The following TENM2 variants were observed in gnomAD, a reference collection of about 807,000 sequenced individuals.
The protein encoded by TENM2 is teneurin transmembrane protein 2, also known as teneurin-2.
A neutral mutation model predicts 245.2 loss-of-function variants in TENM2; 52 were observed. The observed-to-expected ratio is 0.21, with a 90% CI of 0.17 to 0.27. TENM2 has a LOEUF of 0.27. Among genes scored for constraint, TENM2 ranks in the 10% least tolerant of loss-of-function variants. The pLI is 1.00. For missense variants in TENM2, 3,046 were observed against 3,666.8 expected (o/e 0.83, Z 4.37); for synonymous variants, 1,363 against 1,438.9 (o/e 0.95, Z 1.19).
chr5:168,234,738 TG>T (rs1562316269), intron 25 of TENM2, among the ~76,000 whole-genome samples: 7 of 152,182 alleles, frequency 4.6e-5, no homozygotes, highest in Non-Finnish European at 7.3e-5. Context: ...TCTCTTTCTT[TG>T]TAAAGGAAAG....
At chr5:167,851,627 A>G (rs941149529) in intron 2 of TENM2, among the ~76,000 whole-genome samples, 12 of 152,172 alleles carry the variant, frequency 7.9e-5, no homozygotes, top group African/African-American at 2.9e-4. Flanking sequence ...CCAGGGCTTA[A>G]GCTTTGATTG....
intron 2 of TENM2, among the ~76,000 whole-genome samples, chr5:167,469,608 T>C (rs1766884531): frequency 6.6e-6 from 1 of 152,182 alleles, no homozygotes; most frequent in Non-Finnish European, 1.5e-5. Context: ...GTTTAATGAG[T>C]CATTAGCCAT....
the TENM2 span, among the ~76,000 whole-genome samples, chr5:166,989,302 C>T: frequency 7.4e-6 from 1 of 135,520 alleles, no homozygotes; most frequent in Non-Finnish European, 1.5e-5. Context: ...TCTCTGTTGC[C>T]AGGCTGGAGT....
exon 27 of TENM2, chr5:168,248,324 G>A (rs1324486567): frequency 1.2e-6 from 2 of 1,614,018 alleles, no homozygotes; most frequent in South Asian, 2.2e-5. Context: ...ATGTTCAAGA[G>A]CAACAATCCT....
At chr5:167,981,947 C>T (rs1376463928) in intron 4 of TENM2, among the ~76,000 whole-genome samples, 1 of 148,862 alleles carries the variant, frequency 6.7e-6, no homozygotes, top group African/African-American at 2.5e-5. Flanking sequence ...GCACTCCAGC[C>T]TGGGCAACAA....
Position 167,548,881 on chromosome 5 carries a change from A to G in TENM2, c.502+173408A>G, listed in dbSNP as rs113008737. Among the ~76,000 whole-genome samples, 518 of 152,284 alleles carry G rather than the reference A, an allele frequency of 3.4e-3. 7 individuals carry two copies. Among genetic ancestry groups the G allele is most frequent in the African/African-American group, 0.012 (488 of 41,568 alleles). ...CAGTTTATTGAGAGTGAAATGTTCT[A>G]TTGCATTAGTTGTAAAATGTTCTTT... On this transcript the variant is annotated intron_variant, in intron 2 of 28. Transcript: ENST00000518659.
At position 167,350,411 on chromosome 5, in the gene TENM2, A is replaced by ATG. The variant is rs745887386; in HGVS notation, c.227-24786_227-24785insGT. Among the ~76,000 whole-genome samples, 836 of 88,452 alleles carry ATG rather than the reference A, an allele frequency of 9.5e-3. 3 individuals carry two copies. The highest frequency in any genetic ancestry group is 0.016 in the Non-Finnish European group (713 of 44,636). The allele number at this position is 88,452 out of a possible 152,430, so 58.0% of individuals were successfully genotyped here. On this transcript the variant is annotated intron_variant, in intron 1 of 28. Transcript: ENST00000518659. ...GAATTATGAAAACCCATATACATAT[A>ATG]TATGTGTGTGTGTGTGTGTGTGTGT...
At chr5:167,559,571 A>C (rs1773459622) in intron 2 of TENM2, among the ~76,000 whole-genome samples, 1 of 152,162 alleles carries the variant, frequency 6.6e-6, no homozygotes, top group Admixed American at 6.5e-5. Context: ...TCTTCACTGG[A>C]TTAAAAAAAT....
the TENM2 span, among the ~76,000 whole-genome samples, chr5:167,002,860 A>G: frequency 6.6e-6 from 1 of 152,164 alleles, no homozygotes; most frequent in Non-Finnish European, 1.5e-5. Context: ...AAGGAGTATT[A>G]CATACTCAAG....
At chr5:167,097,307 GC>G in the TENM2 span, among the ~76,000 whole-genome samples, 5 of 152,180 alleles carry the variant, frequency 3.3e-5, no homozygotes, top group African/African-American at 1.2e-4. Flanking sequence ...GGCAAGTGGG[GC>G]CTTGGCCAAG....
intron 2 of TENM2, among the ~76,000 whole-genome samples, chr5:167,600,098 G>T (rs1414117974): frequency 1.4e-4 from 3 of 21,420 alleles, no homozygotes; most frequent in Non-Finnish European, 3.9e-4. Context: ...TCATTTATAG[G>T]ATACGTGGAA....
At chr5:168,070,796 AG>A (rs1231605456) in intron 7 of TENM2, among the ~76,000 whole-genome samples, 1 of 56,204 alleles carries the variant, frequency 1.8e-5, no homozygotes, top group African/African-American at 5.3e-5. Context: ...AGAAAGAAAG[AG>A]AGAGAGAGAG....
At chr5:166,990,083 GT>G in the TENM2 span, among the ~76,000 whole-genome samples, 2 of 152,022 alleles carry the variant, frequency 1.3e-5, no homozygotes, top group African/African-American at 4.8e-5. Context: ...TCAGAAGAAT[GT>G]TTCATTTCTG....
chr5:168,050,877 T>A (rs1789024206), intron 6 of TENM2, among the ~76,000 whole-genome samples: 1 of 152,212 alleles, frequency 6.6e-6, no homozygotes, highest in Non-Finnish European at 1.5e-5. Context: ...AACCTTAACA[T>A]GAATTGTTGC....
chr5:168,155,146 G>A (rs577507606), intron 12 of TENM2, among the ~76,000 whole-genome samples: 40 of 152,258 alleles, frequency 2.6e-4, no homozygotes, highest in African/African-American at 9.1e-4. Flanking sequence ...AGAGCACCTC[G>A]AAGCATCAGA....
intron 27 of TENM2, among the ~76,000 whole-genome samples, chr5:168,254,560 GGAA>G (rs753823297): frequency 4.5e-4 from 69 of 152,110 alleles, no homozygotes; most frequent in Admixed American, 2.0e-3. Context: ...GTAAGAGGAA[GGAA>G]GAAGAAGAGA....
intron 2 of TENM2, among the ~76,000 whole-genome samples, chr5:167,702,584 A>G (rs1758234793): frequency 1.3e-5 from 2 of 148,220 alleles, no homozygotes; most frequent in Non-Finnish European, 1.5e-5. Context: ...ATATATATAT[A>G]TATTTCTTTA....
chr5:167,958,793 T>G (rs1780761029), intron 4 of TENM2, among the ~76,000 whole-genome samples: 1 of 152,234 alleles, frequency 6.6e-6, no homozygotes, highest in Non-Finnish European at 1.5e-5. Flanking sequence ...TCTTTAAGAA[T>G]GTTGAATATT....
At chr5:167,184,581 A>T in the TENM2 span, among the ~76,000 whole-genome samples, 4 of 152,162 alleles carry the variant, frequency 2.6e-5, no homozygotes, top group Non-Finnish European at 5.9e-5. Flanking sequence ...GAATCAGTAC[A>T]AGCCTGACCC....
Sources: gnomAD v4.1 joint callset for allele counts (sites outside exome capture counted in the v4.1 genomes callset) on GRCh38, gnomAD v4.1.1 for gene constraint, MANE v1.5 for transcripts, NCBI Gene and HGNC (gene_info 2026-07-23, HGNC 2026-07-21) for gene names.